The following SPAG6 variants were observed in gnomAD, a reference collection of about 807,000 sequenced individuals.
The protein encoded by SPAG6 is sperm-associated antigen 6.
In SPAG6, 49 loss-of-function variants were observed where a neutral mutation model predicts 58.5. The observed-to-expected ratio is 0.84, with a 90% CI of 0.67 to 1.06. SPAG6 has a LOEUF of 1.06. Among genes scored for constraint, SPAG6 ranks in the 50% least tolerant of loss-of-function variants. The probability of loss-of-function intolerance (pLI) is 0.00; values close to 1 mark genes in which losing one functional copy is unlikely to be tolerated. For synonymous variants in SPAG6, 233 were observed against 225.6 expected (o/e 1.03, Z -0.29); for missense variants, 560 against 611.3 (o/e 0.92, Z 0.89).
At chr10:22,415,951 A>G (rs1834856455) in intron 10 of SPAG6, among the ~76,000 whole-genome samples, 2 of 152,156 alleles carry the variant, frequency 1.3e-5, no homozygotes, top group South Asian at 4.1e-4. Context: ...TAATACTTTT[A>G]TACTAAATCT....
At chr10:22,381,896 G>A (rs1036393721) in intron 4 of SPAG6, among the ~76,000 whole-genome samples, 2 of 152,058 alleles carry the variant, frequency 1.3e-5, no homozygotes, top group African/African-American at 2.4e-5. Flanking sequence ...TGAGGTTTTT[G>A]ATTATTCTAA....
intron 2 of SPAG6, chr10:22,346,097 T>TACGTGAATG: frequency 6.7e-7 from 1 of 1,489,180 alleles, no homozygotes; most frequent in Non-Finnish European, 9.0e-7. Flanking sequence ...GGAGTCATTT[T>TACGTGAATG]ACGTGAATGG....
rs551210246 is a variant in SPAG6, at chr10:22,413,056, C to T, written c.1460+1880C>T. ...TCAATGCAATTTTGTTACAAAGTTA[C>T]AGAAAGATGCAAAAAAAAAAAAAAA... On this transcript the variant is annotated intron_variant, in intron 10 of 10. Coordinates refer to ENST00000376624, the MANE Select transcript of SPAG6 (RefSeq NM_012443.4). 12 of 13,934 alleles carry T rather than the reference C, an allele frequency of 8.6e-4. 1 individual carries two copies. The South Asian group carries it at 0.014, about 16-fold the overall frequency. The allele number at this position is 13,934 out of a possible 1,614,324, so 0.9% of individuals were successfully genotyped here. A position where few individuals can be genotyped will look rare whatever the true frequency, so the allele number is the denominator to read the frequency against.
At chr10:22,395,758 T>C (rs112319926) in intron 8 of SPAG6, among the ~76,000 whole-genome samples, 160 of 152,360 alleles carry the variant, frequency 1.1e-3, no homozygotes, top group African/African-American at 3.6e-3. Flanking sequence ...CTTTTTGTGT[T>C]GTATCTAAGA....
chr10:22,350,051 G>GAA (rs1836674239), intron 2 of SPAG6, among the ~76,000 whole-genome samples: 1 of 150,366 alleles, frequency 6.7e-6, no homozygotes, highest in Non-Finnish European at 1.5e-5. Flanking sequence ...AAACTGAAAA[G>GAA]AAAATTAACA....
At chr10:22,358,721 C>T (rs543777223) in intron 2 of SPAG6, among the ~76,000 whole-genome samples, 80 of 152,068 alleles carry the variant, frequency 5.3e-4, no homozygotes, top group African/African-American at 1.4e-3. Flanking sequence ...TTAGGTCTAA[C>T]GTTTAAGTCT....
chr10:22,345,626 G>C lies in SPAG6; in HGVS notation c.15G>C (p.Gln5His), dbSNP rs1475331555. 1 of 1,537,750 alleles carries C rather than the reference G, an allele frequency of 6.5e-7. No individual in the cohort carries two copies. Among genetic ancestry groups the C allele is most frequent in the Non-Finnish European group, 8.7e-7 (1 of 1,143,474 alleles). Residue 5 changes from glutamine to histidine, a missense_variant, in exon 1 of 11, where the codon CAG becomes CAC. Coordinates refer to ENST00000376624, the MANE Select transcript of SPAG6 (RefSeq NM_012443.4). This position sits in a 1 kb window ranked among gnomAD's most constrained non-coding sequence, Gnocchi z 6.3. Reference sequence around the variant, plus strand: ...GCGGGGGCGCCATGAGTCAGAGGCAGGTGCTGCAAGGTAGGGCCGAGGCGG... The same window carrying C: ...GCGGGGGCGCCATGAGTCAGAGGCACGTGCTGCAAGGTAGGGCCGAGGCGG... MSQR[Q>H]VLQVFEQYQK...
intron 2 of SPAG6, among the ~76,000 whole-genome samples, chr10:22,355,961 A>G (rs1361407456): frequency 6.6e-6 from 1 of 152,238 alleles, no homozygotes; most frequent in Admixed American, 6.5e-5. Flanking sequence ...TAAATATCAT[A>G]ATTTGTTACA....
intron 2 of SPAG6, among the ~76,000 whole-genome samples, chr10:22,351,247 G>A (rs1170578941): frequency 2.0e-5 from 3 of 152,198 alleles, no homozygotes; most frequent in Non-Finnish European, 2.9e-5. Context: ...GAGGGAGTGG[G>A]AGTAGTATTT....
At chr10:22,373,799 A>G (rs982194429) in intron 4 of SPAG6, among the ~76,000 whole-genome samples, 3 of 152,166 alleles carry the variant, frequency 2.0e-5, no homozygotes, top group Non-Finnish European at 4.4e-5. Context: ...GTGGGATAAC[A>G]TATATTATAT....
chr10:22,416,127 A>G (rs192683767), intron 10 of SPAG6, among the ~76,000 whole-genome samples: 20 of 152,248 alleles, frequency 1.3e-4, no homozygotes, highest in Admixed American at 9.8e-4. Context: ...AATATGAATT[A>G]TACTTCCAGA....
At chr10:22,393,791 G>A (rs542739096) in intron 8 of SPAG6, among the ~76,000 whole-genome samples, 21 of 152,104 alleles carry the variant, frequency 1.4e-4, no homozygotes, top group Non-Finnish European at 2.8e-4. Flanking sequence ...TTATTTTAAA[G>A]GGTGTAGAAT....
intron 2 of SPAG6, among the ~76,000 whole-genome samples, chr10:22,350,956 C>T (rs1184881700): frequency 6.6e-6 from 1 of 152,318 alleles, no homozygotes; most frequent in African/African-American, 2.4e-5. Context: ...AGTTAGGCCC[C>T]AAACTGGAAC....
intron 4 of SPAG6, among the ~76,000 whole-genome samples, chr10:22,374,267 T>G (rs1368741215): frequency 6.6e-6 from 1 of 152,218 alleles, no homozygotes; most frequent in East Asian, 1.9e-4. Flanking sequence ...GAGGCATTTA[T>G]GTCTGTGTTC....
chr10:22,356,568 A>G (rs1588635898), intron 2 of SPAG6, among the ~76,000 whole-genome samples: 1 of 151,498 alleles, frequency 6.6e-6, no homozygotes, highest in African/African-American at 2.4e-5. Flanking sequence ...TTGCTACCTC[A>G]CTCCTCCCAT....
intron 10 of SPAG6, among the ~76,000 whole-genome samples, chr10:22,413,464 C>T (rs1564383964): frequency 2.6e-5 from 4 of 151,468 alleles, no homozygotes; most frequent in Non-Finnish European, 1.5e-5. Flanking sequence ...ACCTGGGAGG[C>T]GGAGCTTGCA....
At chr10:22,396,436 T>C (rs1350100619) in intron 8 of SPAG6, among the ~76,000 whole-genome samples, 1 of 152,202 alleles carries the variant, frequency 6.6e-6, no homozygotes, top group Non-Finnish European at 1.5e-5. Context: ...CCCAGCCATG[T>C]GGAACTGTAA....
intron 2 of SPAG6, among the ~76,000 whole-genome samples, chr10:22,356,989 T>C (rs1836887818): frequency 6.6e-6 from 1 of 152,218 alleles, no homozygotes; most frequent in African/African-American, 2.4e-5. Flanking sequence ...ATTTATCTCT[T>C]AGCCTTTTTC....
rs139400156 is a variant in SPAG6, at chr10:22,359,435, C to A, written c.122-5418C>A. The stretch of plus-strand genomic sequence containing the variant: ...GATGGAGTCTCATTCACTCTGTCAC[C>A]CAGGCTGGAGTGCAGTGGCACCATC... On this transcript the variant is annotated intron_variant, in intron 2 of 10. Transcript: ENST00000376624. 729 of 231,914 alleles carry A rather than the reference C, an allele frequency of 3.1e-3. 9 individuals carry two copies. Among genetic ancestry groups the A allele is most frequent in the African/African-American group, 0.016 (703 of 42,842 alleles). 14.4% of individuals were successfully genotyped at this position (231,914 alleles called of 1,614,324 possible).
Sources: allele counts gnomAD v4.1 joint callset (sites outside exome capture counted in the v4.1 genomes callset), GRCh38; gene constraint gnomAD v4.1.1; non-coding constraint Gnocchi (gnomAD v3.1); transcripts MANE v1.5; gene names NCBI Gene and HGNC (gene_info 2026-07-23, HGNC 2026-07-21).